The following CACNA1C variants were observed in gnomAD, a reference collection of about 807,000 sequenced individuals.
CACNA1C encodes voltage-dependent L-type calcium channel subunit alpha-1C.
Under a neutral mutation model 229.0 loss-of-function variants are expected in CACNA1C, and 30 were observed. The ratio of observed to expected loss-of-function variants is 0.13; its 90% CI spans 0.10 to 0.18. CACNA1C has a LOEUF of 0.18. CACNA1C is among the 10% of genes least tolerant of loss of function. CACNA1C has a pLI of 1.00. For synonymous variants in CACNA1C, 1,114 were observed against 1,132.5 expected, an observed-to-expected ratio of 0.98 and a Z score of 0.33; for missense variants, 1,658 against 2,845.0, an observed-to-expected ratio of 0.58 and a Z score of 9.49.
In CACNA1C at chr12:2,493,257, C is replaced by T. The variant is rs374050127; in HGVS notation, c.984C>T (p.Asn328=). ...CGGGCCACGGGCGGCAGTGCCAGAACGGCACGGTGTGCAAGCCCGGCTGGG... is the reference window on the plus strand; with the variant it reads ...CGGGCCACGGGCGGCAGTGCCAGAATGGCACGGTGTGCAAGCCCGGCTGGG... ...LETGHGRQCQ[N]GTVCKPGWDG... is the part of the protein sequence containing the mutation. Residue 328 remains asparagine (N), a synonymous_variant, in exon 7 of 47, where the codon AAC becomes AAT. Coordinates refer to ENST00000399655, the MANE Select transcript of CACNA1C (RefSeq NM_000719.7). The surrounding 1 kb of genome is among the most constrained non-coding windows in gnomAD (Gnocchi z 4.6). 8.7e-5 allele frequency: 140 copies of T among 1,614,024 alleles called. No homozygotes were observed. In the African/African-American group the frequency reaches 9.9e-4, roughly 11 times the overall value.
At chr12:2,269,105 C>T (rs1453332764) in intron 3 of CACNA1C, among the ~76,000 whole-genome samples, 1 of 152,182 alleles carries the variant, frequency 6.6e-6, no homozygotes, top group Non-Finnish European at 1.5e-5. Context: ...AATACTCATG[C>T]TTTGTCAAAA....
intron 1 of CACNA1C, among the ~76,000 whole-genome samples, chr12:2,007,484 C>T (rs542106854): frequency 6.6e-6 from 1 of 152,294 alleles, no homozygotes; most frequent in African/African-American, 2.4e-5. Flanking sequence ...TGATGAAATT[C>T]ATTAATTCTT....
chr12:2,219,663 T>A (rs1030258287), intron 3 of CACNA1C, among the ~76,000 whole-genome samples: 2 of 152,184 alleles, frequency 1.3e-5, no homozygotes, highest in African/African-American at 4.8e-5. Context: ...TCCTTGGTGA[T>A]GATGTGAATT....
chr12:2,078,807 C>T (rs946803247), intron 1 of CACNA1C, among the ~76,000 whole-genome samples: 3 of 152,248 alleles, frequency 2.0e-5, no homozygotes. Context: ...ATAAATCATG[C>T]TGCTATAAAG....
At chr12:2,525,870 T>C (rs987899750) in intron 9 of CACNA1C, among the ~76,000 whole-genome samples, 2 of 152,222 alleles carry the variant, frequency 1.3e-5, no homozygotes, top group Non-Finnish European at 1.5e-5. Flanking sequence ...AGTACTGAAC[T>C]GTTAATCACC....
chr12:2,290,920 G>A (rs964701810), intron 3 of CACNA1C, among the ~76,000 whole-genome samples: 1 of 152,188 alleles, frequency 6.6e-6, no homozygotes, highest in Non-Finnish European at 1.5e-5. Context: ...CCCTTCTGTG[G>A]CTTCCTCAAA....
chr12:2,414,936 A>G (rs1251211635), intron 3 of CACNA1C, among the ~76,000 whole-genome samples: 1 of 152,096 alleles, frequency 6.6e-6, no homozygotes, highest in Non-Finnish European at 1.5e-5. Context: ...CAGGGGACCC[A>G]AAACAGGGCT....
intron 3 of CACNA1C, among the ~76,000 whole-genome samples, chr12:2,224,709 G>A (rs944460355): frequency 1.3e-5 from 2 of 152,136 alleles, no homozygotes; most frequent in African/African-American, 2.4e-5. Context: ...AGCATTCTTC[G>A]TATAAGTAAA....
intron 3 of CACNA1C, among the ~76,000 whole-genome samples, chr12:2,351,977 A>G (rs999976863): frequency 4.6e-5 from 7 of 152,154 alleles, no homozygotes; most frequent in Non-Finnish European, 1.0e-4. Context: ...AGTGCAGAAG[A>G]CCTTAGTAAC....
chr12:2,568,622 A>T (rs1161547719), intron 13 of CACNA1C, among the ~76,000 whole-genome samples: 1 of 152,282 alleles, frequency 6.6e-6, no homozygotes, highest in East Asian at 1.9e-4. Flanking sequence ...GCTACAAAGT[A>T]GATGAAACTT....
At chr12:2,522,955 A>T (rs1330969109) in intron 9 of CACNA1C, among the ~76,000 whole-genome samples, 4 of 152,154 alleles carry the variant, frequency 2.6e-5, no homozygotes, top group African/African-American at 9.7e-5. Context: ...CCTCCGTACC[A>T]TGCTGGTCTC....
At chr12:2,345,749 A>G (rs1286201418) in intron 3 of CACNA1C, among the ~76,000 whole-genome samples, 6 of 152,228 alleles carry the variant, frequency 3.9e-5, no homozygotes, top group African/African-American at 1.4e-4. Context: ...GTTCACTTCA[A>G]AATGATGACA....
intron 13 of CACNA1C, among the ~76,000 whole-genome samples, chr12:2,579,063 C>A (rs987266424): frequency 8.5e-5 from 13 of 152,116 alleles, no homozygotes; most frequent in African/African-American, 3.1e-4. Context: ...TCCCTCTCTG[C>A]TCCTCATCTG....
At chr12:2,211,861 G>C (rs1208269376) in intron 3 of CACNA1C, among the ~76,000 whole-genome samples, 1 of 151,904 alleles carries the variant, frequency 6.6e-6, no homozygotes, top group East Asian at 1.9e-4. Context: ...TGGGACTCCA[G>C]GCGCCCACCA....
chr12:2,204,917 C>T (rs2097708231), intron 3 of CACNA1C, among the ~76,000 whole-genome samples: 2 of 146,768 alleles, frequency 1.4e-5, no homozygotes. Flanking sequence ...ACAATGTGCA[C>T]ATGTACCCTA....
At chr12:2,195,035 C>T (rs779981282) in intron 3 of CACNA1C, among the ~76,000 whole-genome samples, 24 of 152,158 alleles carry the variant, frequency 1.6e-4, no homozygotes, top group Admixed American at 3.3e-4. Context: ...CTAATGTTGT[C>T]TTGAAAATGA....
chr12:2,600,673 A>G (rs183766217), intron 21 of CACNA1C, among the ~76,000 whole-genome samples: 3 of 152,384 alleles, frequency 2.0e-5, no homozygotes, highest in African/African-American at 7.2e-5. Flanking sequence ...CACCAGGCTC[A>G]GAGGGTGGTA....
chr12:2,216,906 A>G (rs527783419), intron 3 of CACNA1C, among the ~76,000 whole-genome samples: 57 of 152,350 alleles, frequency 3.7e-4, no homozygotes, highest in Middle Eastern at 3.4e-3. Context: ...TTCTAAAAGT[A>G]TACTCCAGGA....
chr12:2,038,534 G>T (rs1330031941), intron 1 of CACNA1C, among the ~76,000 whole-genome samples: 5 of 152,048 alleles, frequency 3.3e-5, no homozygotes, highest in African/African-American at 4.8e-5. Flanking sequence ...TGCTATGTTT[G>T]GCCACTTAAG....
Sources: allele counts gnomAD v4.1 joint callset (sites outside exome capture counted in the v4.1 genomes callset), GRCh38; gene constraint gnomAD v4.1.1; non-coding constraint Gnocchi (gnomAD v3.1); transcripts MANE v1.5; gene names NCBI Gene and HGNC (gene_info 2026-07-23, HGNC 2026-07-21).